Variants in MILR1 observed in about 807,000 individuals in gnomAD.
MILR1 encodes the protein allergin-1.
A neutral mutation model predicts 18.5 loss-of-function variants in MILR1; 31 were observed. That is an observed-to-expected ratio of 1.68 (90% CI 1.26 to 2.26). The LOEUF is 2.26. MILR1 is among the 30% of genes most tolerant of loss of function. The pLI, the probability that MILR1 is intolerant of heterozygous loss-of-function variation, is 0.00. For missense variants in MILR1, 257 were observed against 157.4 expected (o/e 1.63, Z -3.38); for synonymous variants, 85 against 56.2 (o/e 1.51, Z -2.30).
the MILR1 span, chr17:64,496,652 A>G: frequency 6.2e-7 from 1 of 1,613,890 alleles, no homozygotes; most frequent in South Asian, 1.1e-5. Flanking sequence ...GTTCTTCCGC[A>G]ACTCTACGCC....
rs2037204233 is a variant in MILR1, at chr17:64,452,822, CCAGCTGTT to C, written c.326_333del (p.Ser109LysfsTer5). On this transcript the variant is annotated frameshift_variant, in exon 3 of 10. Transcript: ENST00000619286. LOFTEE classifies it high-confidence loss of function. ...CCCTACAAATGCAAAGCCCAAGTTA[CCAGCTGTT>C]CAAAATACAGTCGTGACTTCAGCTT... 1 of 475,134 alleles carries C rather than the reference CCAGCTGTT, an allele frequency of 2.1e-6. No individual in the cohort carries two copies. The highest frequency in any genetic ancestry group is 3.9e-6 in the Non-Finnish European group (1 of 259,036). The allele number at this position is 475,134 out of a possible 1,614,324, so 29.4% of individuals were successfully genotyped here.
At position 64,462,083 on chromosome 17, in the gene MILR1, T is replaced by A. The variant is rs2037444162; in HGVS notation, c.763+1151T>A. 2.0e-5 allele frequency among the ~76,000 whole-genome samples: 3 copies of A among 152,224 alleles called. No individual in the cohort carries two copies. In the South Asian group the frequency reaches 6.2e-4, roughly 32 times the overall value. The stretch of plus-strand genomic sequence containing the variant: ...TGCTAGGAACGTGGGTGTGAAATTA[T>A]TAATGTTTTTAAACAAGAGGCCCTT... On this transcript the variant is annotated intron_variant, in intron 5 of 9. Transcript: ENST00000619286.
At chr17:64,458,135 C>T (rs1453832734) in intron 4 of MILR1, among the ~76,000 whole-genome samples, 1 of 150,556 alleles carries the variant, frequency 6.6e-6, no homozygotes, top group Non-Finnish European at 1.5e-5. Context: ...TTCCTTCCTT[C>T]TTGTATGCCT....
rs2037199414 is a variant in MILR1, at chr17:64,452,631, G to A, written c.132G>A (p.Lys44=). ...CTCCATGTTTGGACTCAAAGACTAA[G>A]GTGGTTATGAAGGGTCAAAATGTAT... ...FPSPCLDSKT[K]VVMKGQNVSM... The change falls in exon 3 of 10, where the codon AAG becomes AAA. Residue 44 remains lysine (K), a synonymous_variant. Coordinates refer to ENST00000619286, the MANE Select transcript of MILR1 (RefSeq NM_001085423.2). The A allele has an allele frequency of 2.3e-6, 1 of 433,388 alleles. No individual in the cohort carries two copies. Among genetic ancestry groups the A allele is most frequent in the Non-Finnish European group, 4.2e-6 (1 of 236,842 alleles). The allele number at this position is 433,388 out of a possible 1,614,324, so 26.8% of individuals were successfully genotyped here.
chr17:64,487,252 C>T, the MILR1 span: 7 of 152,318 alleles, frequency 4.6e-5, no homozygotes, highest in African/African-American at 1.7e-4. Flanking sequence ...AGGCAGTAAA[C>T]TTTCTGATAC....
intron 8 of MILR1, among the ~76,000 whole-genome samples, chr17:64,467,337 C>T (rs1555663637): frequency 6.6e-6 from 1 of 151,432 alleles, no homozygotes; most frequent in East Asian, 1.9e-4. Flanking sequence ...TCTTGAACTC[C>T]TGGGCTCAAC....
the MILR1 span, chr17:64,493,123 A>G: frequency 7.7e-7 from 1 of 1,290,418 alleles, no homozygotes; most frequent in Non-Finnish European, 1.1e-6. Context: ...AACACAGCAT[A>G]AAGACAGATG....
At chr17:64,492,688 A>G in the MILR1 span, 1 of 1,610,214 alleles carries the variant, frequency 6.2e-7, no homozygotes, top group East Asian at 2.2e-5. Flanking sequence ...ACTGGAGTCG[A>G]TGACGTAACC....
At position 64,466,605 on chromosome 17, in the gene MILR1, T is replaced by C; in HGVS notation, c.922T>C (p.Ser308Pro). ...VSTAQDEAKH[S>P]QELQYATPVF... ...TATCTTTTGCCCAGAGGCCAAACAC[T>C]CCCAGGAGCTACAGTATGCCACCCC... Residue 308 changes from serine to proline, a missense_variant, in exon 8 of 10, where the codon TCC becomes CCC. Coordinates refer to ENST00000619286, the MANE Select transcript of MILR1 (RefSeq NM_001085423.2). 6.2e-7 allele frequency: 1 copy of C among 1,611,390 alleles called. No homozygotes were observed. The highest frequency in any genetic ancestry group is 8.5e-7 in the Non-Finnish European group (1 of 1,178,804).
chr17:64,478,472 G>A, the MILR1 span, among the ~76,000 whole-genome samples: 170 of 152,218 alleles, frequency 1.1e-3, no homozygotes, highest in Non-Finnish European at 2.0e-3. Context: ...ATAGATGCAC[G>A]GCTGACCTTC....
chr17:64,467,271 A>G (rs1359329826), intron 8 of MILR1, among the ~76,000 whole-genome samples: 1 of 102,554 alleles, frequency 9.8e-6, no homozygotes, highest in East Asian at 2.4e-4. Flanking sequence ...ATGTCTGACT[A>G]ATTTTTTTTT....
chr17:64,465,402 A>C (rs1451073251), intron 5 of MILR1, 50 bp from the exon 6 acceptor site: 2 of 1,362,394 alleles, frequency 1.5e-6, no homozygotes, highest in Non-Finnish European at 2.1e-6. Flanking sequence ...GGAGATGAGA[A>C]AAATGTGGCT....
chr17:64,492,800 T>C, the MILR1 span: 1 of 1,597,368 alleles, frequency 6.3e-7, no homozygotes, highest in Non-Finnish European at 8.6e-7. Context: ...ATCAGGAAGT[T>C]AGCTTATCTG....
At chr17:64,458,004 T>C (rs1467843314) in intron 4 of MILR1, among the ~76,000 whole-genome samples, 2 of 152,158 alleles carry the variant, frequency 1.3e-5, no homozygotes, top group African/African-American at 2.4e-5. Flanking sequence ...GAGGGGGACT[T>C]GTGGCAAAAC....
chr17:64,456,519 A>G (rs2144028695), intron 3 of MILR1, among the ~76,000 whole-genome samples: 1 of 152,198 alleles, frequency 6.6e-6, no homozygotes, highest in East Asian at 1.9e-4. Flanking sequence ...GGAGAAAACG[A>G]TATTTTTGGG....
At chr17:64,480,495 GGTAT>G in the MILR1 span, 6 of 549,848 alleles carry the variant, frequency 1.1e-5, no homozygotes, top group Admixed American at 1.0e-4. Context: ...CTCTAAAATG[GGTAT>G]GTTTCTTTAA....
intron 3 of MILR1, among the ~76,000 whole-genome samples, chr17:64,455,794 T>C (rs1374986601): frequency 1.3e-5 from 2 of 151,752 alleles, no homozygotes; most frequent in African/African-American, 4.8e-5. Flanking sequence ...ATCCCAGCAC[T>C]TTGGGAGGTT....
the MILR1 span, chr17:64,492,692 C>T: frequency 1.8e-5 from 29 of 1,609,760 alleles, 1 homozygote; most frequent in South Asian, 7.7e-5. Flanking sequence ...GAGTCGATGA[C>T]GTAACCAGAA....
the MILR1 span, among the ~76,000 whole-genome samples, chr17:64,482,385 T>C: frequency 6.6e-6 from 1 of 151,086 alleles, no homozygotes. Flanking sequence ...GCAGTGGTGC[T>C]ATCTCAGCTC....
Sources: allele counts gnomAD v4.1 joint callset (sites outside exome capture counted in the v4.1 genomes callset), GRCh38; gene constraint gnomAD v4.1.1; transcripts MANE v1.5; gene names NCBI Gene and HGNC (gene_info 2026-07-23, HGNC 2026-07-21).